Variants in ZBTB20 observed in about 807,000 individuals in gnomAD.
ZBTB20 encodes zinc finger and BTB domain-containing protein 20.
In ZBTB20, 9 loss-of-function variants were observed where a neutral mutation model predicts 56.9. The observed-to-expected ratio is 0.16, with a 90% confidence interval of 0.10 to 0.28. The LOEUF (loss-of-function observed/expected upper bound fraction) is 0.28, where lower values mean the gene tolerates loss of function less well. ZBTB20 is among the 10% of genes least tolerant of loss of function. ZBTB20 has a pLI of 1.00. For missense variants in ZBTB20, 655 were observed against 1,003.0 expected (o/e 0.65, Z 4.69); for synonymous variants, 417 against 420.7 (o/e 0.99, Z 0.11).
rs2037552 is a variant in ZBTB20, at chr3:114,753,329, A to G, written c.-343+47772T>C. Among the ~76,000 whole-genome samples the G allele has an allele frequency of 9.6e-3, 350 of 36,342 alleles. 60 individuals are homozygous for G. Among genetic ancestry groups the G allele is most frequent in the East Asian group, 0.041 (21 of 514 alleles). The allele number at this position is 36,342 out of a possible 152,430, so 23.8% of individuals were successfully genotyped here. A position where few individuals can be genotyped will look rare whatever the true frequency, so the allele number is the denominator to read the frequency against. On this transcript the variant is annotated intron_variant, in intron 5 of 11. Transcript: ENST00000675478. Reference sequence around the variant, plus strand: ...ATATAATGTATATATGTATACCTGTATATATAATGTATATATGTATACATT... The same window carrying G: ...ATATAATGTATATATGTATACCTGTGTATATAATGTATATATGTATACATT...
At chr3:114,645,044 T>C (rs2059765303) in intron 6 of ZBTB20, among the ~76,000 whole-genome samples, 1 of 152,062 alleles carries the variant, frequency 6.6e-6, no homozygotes, top group South Asian at 2.1e-4. Context: ...TAATATAATA[T>C]AGTTTATTGC....
intron 5 of ZBTB20, among the ~76,000 whole-genome samples, chr3:114,694,190 T>C (rs1005876949): frequency 1.1e-4 from 16 of 152,084 alleles, no homozygotes; most frequent in Admixed American, 2.0e-4. Context: ...ACGAGTGAAC[T>C]GAAACCTTTT....
intron 3 of ZBTB20, among the ~76,000 whole-genome samples, chr3:114,973,161 A>AGGTTTAAGAGTACATCTTTAGTACTT (rs1450119520): frequency 6.6e-6 from 1 of 152,214 alleles, no homozygotes; most frequent in Non-Finnish European, 1.5e-5. Flanking sequence ...ATGAAATATG[A>AGGTTTAAGAGTACATCTTTAGTACTT]GGTTTAAGAG....
At chr3:114,479,079 C>A (rs1473771486) in intron 7 of ZBTB20, among the ~76,000 whole-genome samples, 1 of 141,908 alleles carries the variant, frequency 7.0e-6, no homozygotes, top group African/African-American at 2.8e-5. Context: ...GGGGGGGCCA[C>A]AGTAGGGTGT....
intron 4 of ZBTB20, among the ~76,000 whole-genome samples, chr3:114,828,220 A>G (rs1325543111): frequency 6.6e-6 from 1 of 151,758 alleles, no homozygotes; most frequent in Admixed American, 6.6e-5. Context: ...ATGTCTCATG[A>G]CATCAAATAT....
chr3:114,628,895 T>G (rs1439922636), intron 6 of ZBTB20, among the ~76,000 whole-genome samples: 2 of 152,176 alleles, frequency 1.3e-5, no homozygotes, highest in African/African-American at 4.8e-5. Context: ...ATTTGATCAC[T>G]ATGTTCATCC....
intron 6 of ZBTB20, among the ~76,000 whole-genome samples, chr3:114,547,918 G>C (rs2050089994): frequency 6.6e-6 from 1 of 152,188 alleles, no homozygotes; most frequent in African/African-American, 2.4e-5. Context: ...TTAGGCCACT[G>C]ACATAACAGT....
intron 2 of ZBTB20, among the ~76,000 whole-genome samples, chr3:115,039,474 C>T (rs773688282): frequency 6.6e-6 from 1 of 151,790 alleles, no homozygotes; most frequent in Non-Finnish European, 1.5e-5. Context: ...CTCTTAACAT[C>T]AGAATTGCTC....
intron 3 of ZBTB20, among the ~76,000 whole-genome samples, chr3:114,963,948 A>G (rs2077547045): frequency 6.6e-6 from 1 of 152,174 alleles, no homozygotes; most frequent in African/African-American, 2.4e-5. Flanking sequence ...TATTTTTGTT[A>G]TGGATAAATT....
In ZBTB20 at chr3:114,323,822, A is replaced by C. The variant is rs1382947880; in HGVS notation, c.*15183T>G. The C allele has an allele frequency of 6.6e-6, 1 of 152,222 alleles. No homozygotes were observed. Among genetic ancestry groups the C allele is most frequent in the Non-Finnish European group, 1.5e-5 (1 of 68,038 alleles). The allele number at this position is 152,222 out of a possible 1,614,324, so 9.4% of individuals were successfully genotyped here. ...GCCAACCCTGCTAAGATCAAGCATG[A>C]TGAAAATAACTCTGCATTTTAGTGA... On this transcript the variant is annotated 3_prime_UTR_variant, in exon 12 of 12. Transcript: ENST00000675478.
chr3:114,320,938 A>G lies in ZBTB20; in HGVS notation c.*18067T>C, dbSNP rs2078872217. The G allele has an allele frequency of 6.6e-6, 1 of 152,194 alleles. No homozygotes were observed. Among genetic ancestry groups the G allele is most frequent in the African/African-American group, 2.4e-5 (1 of 41,454 alleles). 9.4% of individuals were successfully genotyped at this position (152,194 alleles called of 1,614,324 possible). On this transcript the variant is annotated 3_prime_UTR_variant, in exon 12 of 12. Transcript: ENST00000675478. ...CTATGCCCTAGAATTGCAGCCTCCA[A>G]ACCTTGCCCATGATTTCCACCTTTC...
chr3:114,615,536 T>C (rs1322942319), intron 6 of ZBTB20, among the ~76,000 whole-genome samples: 2 of 152,204 alleles, frequency 1.3e-5, no homozygotes, highest in African/African-American at 4.8e-5. Flanking sequence ...AGATCCTGAC[T>C]TTAAACTGAG....
intron 7 of ZBTB20, among the ~76,000 whole-genome samples, chr3:114,470,606 T>C (rs2040015156): frequency 6.6e-6 from 1 of 152,190 alleles, no homozygotes. Flanking sequence ...CATTAATCTG[T>C]TACTGATAAG....
chr3:114,382,445 G>A (rs2084488317), intron 8 of ZBTB20, among the ~76,000 whole-genome samples: 1 of 152,118 alleles, frequency 6.6e-6, no homozygotes, highest in East Asian at 1.9e-4. Flanking sequence ...ATATCCTCCA[G>A]AACATCCTGG....
intron 11 of ZBTB20, among the ~76,000 whole-genome samples, chr3:114,349,504 A>G (rs1385254239): frequency 1.3e-5 from 2 of 152,164 alleles, no homozygotes; most frequent in Non-Finnish European, 2.9e-5. Context: ...ATGTTCATCC[A>G]TTCTCTCCTT....
intron 7 of ZBTB20, among the ~76,000 whole-genome samples, chr3:114,497,183 G>T (rs991668895): frequency 6.6e-6 from 1 of 152,106 alleles, no homozygotes; most frequent in Non-Finnish European, 1.5e-5. Context: ...TACCCCTACT[G>T]CACAGTTCAG....
At chr3:114,590,350 C>A (rs574967609) in intron 6 of ZBTB20, among the ~76,000 whole-genome samples, 1 of 152,046 alleles carries the variant, frequency 6.6e-6, no homozygotes, top group Middle Eastern at 3.4e-3. Flanking sequence ...CAGCAGGAGG[C>A]TGAGGCAAGT....
At chr3:114,819,007 G>A (rs1305651564) in intron 4 of ZBTB20, among the ~76,000 whole-genome samples, 1 of 151,952 alleles carries the variant, frequency 6.6e-6, no homozygotes, top group Non-Finnish European at 1.5e-5. Context: ...CAGTGGTTCA[G>A]CTTAAGATTT....
chr3:114,577,599 C>T (rs929425227), intron 6 of ZBTB20, among the ~76,000 whole-genome samples: 16 of 152,234 alleles, frequency 1.1e-4, no homozygotes, highest in African/African-American at 3.4e-4. Context: ...AGAATCACAT[C>T]GAGATACCTA....
Sources: gnomAD v4.1 joint callset for allele counts (sites outside exome capture counted in the v4.1 genomes callset) on GRCh38, gnomAD v4.1.1 for gene constraint, MANE v1.5 for transcripts, NCBI Gene and HGNC (gene_info 2026-07-23, HGNC 2026-07-21) for gene names.